OR2T1: variants seen among roughly 807,000 people sequenced by gnomAD.
The protein encoded by OR2T1 is olfactory receptor family 2 subfamily T member 1, also known as olfactory receptor 2T1.
For missense variants in OR2T1, 440 were observed against 390.2 expected (o/e 1.13, Z -1.07); for synonymous variants, 186 against 145.4 (o/e 1.28, Z -2.01).
intron 1 of OR2T1, 64 bp downstream of exon 1, chr1:248,403,309 G>A (rs1220060963): frequency 6.6e-6 from 1 of 152,080 alleles, no homozygotes; most frequent in Non-Finnish European, 1.5e-5. Flanking sequence ...GAGAGATTGA[G>A]AATTTGCACC....
At position 248,407,120 on chromosome 1, in the gene OR2T1, C is replaced by A. The variant is rs771924037; in HGVS notation, c.*16C>A. On this transcript the variant is annotated 3_prime_UTR_variant, in exon 2 of 2. Coordinates refer to ENST00000642005, the MANE Select transcript of OR2T1 (RefSeq NM_030904.2). The stretch of plus-strand genomic sequence containing the variant: ...TGTCTTTTGACAGTCGACTCCTTCC[C>A]ATGCATATGGTAAATGGGGGACTCT... 1 of 1,550,968 alleles carries A rather than the reference C, an allele frequency of 6.4e-7. No individual in the cohort carries two copies. Among genetic ancestry groups the A allele is most frequent in the Non-Finnish European group, 8.7e-7 (1 of 1,151,504 alleles).
At chr1:248,405,439 C>T (rs1661535028) in intron 1 of OR2T1, among the ~76,000 whole-genome samples, 1 of 152,164 alleles carries the variant, frequency 6.6e-6, no homozygotes, top group Non-Finnish European at 1.5e-5. Context: ...ATGCTAATTC[C>T]TCATCATCTT....
chr1:248,406,230 C>CCA lies in OR2T1; in HGVS notation c.84_85dup (p.Ile29ThrfsTer11), dbSNP rs1164023949. On this transcript the variant is annotated frameshift_variant, in exon 2 of 2. Transcript: ENST00000642005. LOFTEE classifies it low-confidence loss of function (END_TRUNC). ...AAGGAAACCTCAGGTCTTATTTTTG[C>CCA]CATCATCTCTATCATCTTCTTCACC... The CCA allele has an allele frequency of 6.2e-7, 1 of 1,613,958 alleles. No individual in the cohort carries two copies.
In OR2T1 at chr1:248,406,457, C is replaced by G; in HGVS notation, c.310C>G (p.Leu104Val). Residue 104 changes from leucine (L) to valine (V), a missense_variant, in exon 2 of 2, where the codon CTT becomes GTT. Physicochemically the swap from Leu to Val is conservative, Grantham distance 32. Coordinates refer to ENST00000642005, the MANE Select transcript of OR2T1 (RefSeq NM_030904.2). The part of the protein sequence containing the change: ...VGCTAQHFLY[L>V]TLVGAEFFLL... ...GTGCACAGCTCAACACTTCCTCTACCTTACCCTTGTGGGAGCTGAATTCTT... is the reference window on the plus strand; with the variant it reads ...GTGCACAGCTCAACACTTCCTCTACGTTACCCTTGTGGGAGCTGAATTCTT... The G allele has an allele frequency of 6.2e-7, 1 of 1,614,166 alleles. No homozygotes were observed. The highest frequency in any genetic ancestry group is 8.5e-7 in the Non-Finnish European group (1 of 1,180,016).
intron 1 of OR2T1, among the ~76,000 whole-genome samples, chr1:248,404,641 G>C (rs1400031697): frequency 6.7e-6 from 1 of 149,422 alleles, no homozygotes; most frequent in Non-Finnish European, 1.5e-5. Context: ...CCATAAAACA[G>C]CAATCCTGAT....
intron 1 of OR2T1, among the ~76,000 whole-genome samples, chr1:248,403,710 A>G (rs1661477358): frequency 6.6e-6 from 1 of 152,168 alleles, no homozygotes; most frequent in Non-Finnish European, 1.5e-5. Context: ...CAACAAGTAT[A>G]GTTACTTATT....
Position 248,407,865 on chromosome 1 carries a change from G to A in OR2T1, c.*761G>A, listed in dbSNP as rs183871372. 6.8e-6 allele frequency: 1 copy of A among 147,408 alleles called. No homozygotes were observed. The highest frequency in any genetic ancestry group is 1.5e-5 in the Non-Finnish European group (1 of 66,500). 9.1% of individuals were successfully genotyped at this position (147,408 alleles called of 1,614,324 possible). ...TATAACAAGTGGTAAACATAGGTAA[G>A]TGTTTCCTTGAATTCTGTGAGCCTT... On this transcript the variant is annotated 3_prime_UTR_variant, in exon 2 of 2. Coordinates refer to ENST00000642005, the MANE Select transcript of OR2T1 (RefSeq NM_030904.2).
At chr1:248,404,561 A>ATATATATATATATATATATAT (rs1661514784) in intron 1 of OR2T1, among the ~76,000 whole-genome samples, 1 of 110,500 alleles carries the variant, frequency 9.0e-6, no homozygotes. Flanking sequence ...TATATATATA[A>ATATATATATATATATATATAT]AATATACATA....
rs1395627563 is a variant in OR2T1, at chr1:248,406,407, A to G, written c.260A>G (p.Asp87Gly). Residue 87 changes from aspartate (D) to glycine (G), a missense_variant, in exon 2 of 2, where the codon GAT (aspartate) becomes GGT (glycine). Transcript: ENST00000642005. ...VPKMLVNYLL[D>G]QRTISFVGCT... ...AAGATGCTGGTTAATTACCTGCTGG[A>G]TCAAAGGACCATTTCCTTTGTGGGG... 1.2e-6 allele frequency: 2 copies of G among 1,614,042 alleles called. No homozygotes were observed. Among genetic ancestry groups the G allele is most frequent in the Non-Finnish European group, 8.5e-7 (1 of 1,179,910 alleles).
intron 1 of OR2T1, among the ~76,000 whole-genome samples, chr1:248,405,570 C>T (rs1486384836): frequency 6.6e-6 from 1 of 152,036 alleles, no homozygotes; most frequent in Non-Finnish European, 1.5e-5. Flanking sequence ...TATTTCATCC[C>T]TTATAATTTG....
In OR2T1 at chr1:248,406,257, C is replaced by T. The variant is rs758796275; in HGVS notation, c.110C>T (p.Ala37Val). Residue 37 changes from alanine (A) to valine (V), a missense_variant, in exon 2 of 2, where the codon GCA (alanine) becomes GTA (valine). Ala to Val is a moderately conservative substitution (Grantham distance 64, BLOSUM62 0). Coordinates refer to ENST00000642005, the MANE Select transcript of OR2T1 (RefSeq NM_030904.2). ...FAIISIIFFT[A>V]LMANGVMIFL... is the part of the protein sequence containing the mutation. ...ATCATCTCTATCATCTTCTTCACCG[C>T]ACTGATGGCCAATGGGGTTATGATC... 24 of 1,614,164 alleles carry T rather than the reference C, an allele frequency of 1.5e-5. No individual in the cohort carries two copies. The highest frequency in any genetic ancestry group is 1.9e-5 in the Non-Finnish European group (23 of 1,180,022).
At position 248,406,512 on chromosome 1, in the gene OR2T1, A is replaced by G. The variant is rs1418153357; in HGVS notation, c.365A>G (p.Tyr122Cys). ...FLLGLMAYDR[Y>C]VAICNPLRYP... is the part of the protein sequence containing the mutation. Reference sequence around the variant, plus strand: ...CTGGGCCTCATGGCCTATGACCGCTATGTGGCCATTTGCAACCCTCTGAGA... The same window carrying G: ...CTGGGCCTCATGGCCTATGACCGCTGTGTGGCCATTTGCAACCCTCTGAGA... Residue 122 changes from tyrosine to cysteine, a missense_variant, in exon 2 of 2, where the codon TAT (tyrosine) becomes TGT (cysteine). Physicochemically the swap from Tyr to Cys is radical, Grantham distance 194. Transcript: ENST00000642005. The G allele has an allele frequency of 1.9e-6, 3 of 1,613,986 alleles. 1 individual carries two copies. The South Asian group carries it at 3.3e-5, about 18-fold the overall frequency.
Position 248,407,776 on chromosome 1 carries a change from T to G in OR2T1, c.*672T>G, listed in dbSNP as rs1029044496. 1.3e-5 allele frequency: 2 copies of G among 152,270 alleles called. No homozygotes were observed. Among genetic ancestry groups the G allele is most frequent in the Non-Finnish European group, 2.9e-5 (2 of 68,072 alleles). The allele number at this position is 152,270 out of a possible 1,614,324, so 9.4% of individuals were successfully genotyped here. On this transcript the variant is annotated 3_prime_UTR_variant, in exon 2 of 2. Coordinates refer to ENST00000642005, the MANE Select transcript of OR2T1 (RefSeq NM_030904.2). ...CACAGAGGCAGAAGCTCTTATGCTC[T>G]TCCAGACCTCACCCTCTGTGTCTTT...
chr1:248,404,952 C>G (rs1661524335), intron 1 of OR2T1, among the ~76,000 whole-genome samples: 1 of 152,070 alleles, frequency 6.6e-6, no homozygotes, highest in Non-Finnish European at 1.5e-5. Flanking sequence ...CTCCTCACTT[C>G]TTAGTTTTAT....
chr1:248,406,372 T>C lies in OR2T1; in HGVS notation c.225T>C (p.Thr75=). Residue 75 remains threonine, a synonymous_variant, in exon 2 of 2, where the codon ACT becomes ACC. Transcript: ENST00000642005. The part of the protein sequence containing the change: ...LSLIDMMYIS[T]IVPKMLVNYL... ...TAATTGACATGATGTATATTTCCAC[T>C]ATTGTGCCTAAGATGCTGGTTAATT... 1 of 1,614,140 alleles carries C rather than the reference T, an allele frequency of 6.2e-7. No homozygotes were observed. The highest frequency in any genetic ancestry group is 2.2e-5 in the East Asian group (1 of 44,876).
Position 248,407,169 on chromosome 1 carries a change from A to T in OR2T1, c.*65A>T. 6.9e-7 allele frequency: 1 copy of T among 1,458,986 alleles called. No individual in the cohort carries two copies. The highest frequency in any genetic ancestry group is 9.2e-7 in the Non-Finnish European group (1 of 1,084,106). The allele number at this position is 1,458,986 out of a possible 1,614,324, so 90.4% of individuals were successfully genotyped here. ...CTGTGGTCACTGTGGCTGTGCTTTC[A>T]TCAAAAGATGAAGCAAAAAGGGAGG... is the stretch of plus-strand genomic sequence containing the variant. On this transcript the variant is annotated 3_prime_UTR_variant, in exon 2 of 2. Coordinates refer to ENST00000642005, the MANE Select transcript of OR2T1 (RefSeq NM_030904.2).
rs1458105546 is a variant in OR2T1, at chr1:248,408,007, T to A, written c.*903T>A. 1 of 152,316 alleles carries A rather than the reference T, an allele frequency of 6.6e-6. No individual in the cohort carries two copies. The highest frequency in any genetic ancestry group is 1.9e-4 in the East Asian group (1 of 5,208). 9.4% of individuals were successfully genotyped at this position (152,316 alleles called of 1,614,324 possible). On this transcript the variant is annotated 3_prime_UTR_variant, in exon 2 of 2. Transcript: ENST00000642005. The stretch of plus-strand genomic sequence containing the variant: ...TTGGCACTGGAAATGGAAGGCAGTG[T>A]TATGGGACTGAGCCCTCACCCTGTG...
In OR2T1 at chr1:248,407,933, C is replaced by G. The variant is rs974339963; in HGVS notation, c.*829C>G. On this transcript the variant is annotated 3_prime_UTR_variant, in exon 2 of 2. Transcript: ENST00000642005. ...ACCCAAGGAAGGGCCGTGGGATCCC[C>G]AATTTACAATCACTTGGTCAAAAGT... 6.6e-6 allele frequency: 1 copy of G among 152,272 alleles called. No individual in the cohort carries two copies. The highest frequency in any genetic ancestry group is 1.5e-5 in the Non-Finnish European group (1 of 68,066). The allele number at this position is 152,272 out of a possible 1,614,324, so 9.4% of individuals were successfully genotyped here. A position where few individuals can be genotyped will look rare whatever the true frequency, so the allele number is the denominator to read the frequency against.
In OR2T1 at chr1:248,406,099, T is replaced by A; in HGVS notation, c.-33-16T>A. The A allele has an allele frequency of 6.2e-7, 1 of 1,614,070 alleles. No individual in the cohort carries two copies. Among genetic ancestry groups the A allele is most frequent in the South Asian group, 1.1e-5 (1 of 91,078 alleles). ...TTATTTTACTGCCCTGGGAATGCTA[T>A]CATCTTATTTGGAAGATATTACCTT... On this transcript the variant is annotated splice_polypyrimidine_tract_variant and intron_variant, in intron 1 of 1. Transcript: ENST00000642005.
Sources: allele counts gnomAD v4.1 joint callset (sites outside exome capture counted in the v4.1 genomes callset), GRCh38; gene constraint gnomAD v4.1.1; transcripts MANE v1.5; gene names NCBI Gene and HGNC (gene_info 2026-07-23, HGNC 2026-07-21).